The following PFKFB2 variants were observed in gnomAD, a reference collection of about 807,000 sequenced individuals.
PFKFB2 encodes 6-phosphofructo-2-kinase/fructose-2,6-bisphosphatase 2.
PFKFB2 carries 53 observed loss-of-function variants against 68.0 expected under a neutral mutation model. The ratio of observed to expected loss-of-function variants is 0.78; its 90% CI spans 0.63 to 0.98. The LOEUF is 0.98. Among genes scored for constraint, PFKFB2 ranks in the 50% least tolerant of loss-of-function variants. PFKFB2 has a pLI of 0.00. For synonymous variants in PFKFB2, 222 were observed against 227.6 expected, an observed-to-expected ratio of 0.98 and a Z score of 0.22; for missense variants, 451 against 642.0, an observed-to-expected ratio of 0.70 and a Z score of 3.22.
intron 8 of PFKFB2, among the ~76,000 whole-genome samples, chr1:207,065,496 G>A (rs1683259095): frequency 6.6e-6 from 1 of 151,688 alleles, no homozygotes; most frequent in African/African-American, 2.4e-5. Context: ...GACCACAGGT[G>A]TGCGCCACCA....
intron 2 of PFKFB2, among the ~76,000 whole-genome samples, chr1:207,057,302 CAAAAAA>C (rs748726221): frequency 5.0e-5 from 2 of 40,388 alleles, no homozygotes; most frequent in African/African-American, 1.8e-4. Flanking sequence ...AAAAAAACTA[CAAAAAA>C]AAAAAAAAAA....
chr1:207,062,723 C>G lies in PFKFB2; in HGVS notation c.308+7C>G. ...AGGCCATGAAGATCCGCAAGTGAGT[C>G]TTGTTTAAGGCCTGATCTCCAGGTC... On this transcript the variant is annotated splice_region_variant and intron_variant, in intron 4 of 14. Transcript: ENST00000367080. 1 of 1,612,854 alleles carries G rather than the reference C, an allele frequency of 6.2e-7. No individual in the cohort carries two copies. The highest frequency in any genetic ancestry group is 8.5e-7 in the Non-Finnish European group (1 of 1,179,176).
chr1:207,041,424 C>T lies in PFKFB2; in HGVS notation c.-61-745C>T, dbSNP rs182698323. Among the ~76,000 whole-genome samples the T allele has an allele frequency of 4.1e-4, 63 of 152,192 alleles. No homozygotes were observed. In the East Asian group the frequency reaches 9.5e-3, roughly 23 times the overall value. On this transcript the variant is annotated intron_variant, in intron 1 of 5. Transcript: ENST00000545806. ...GACAGGCCCCAATGTGTGATGTTCCCTTCCCTGTGCCCATATGTTCTCATT... is the reference window on the plus strand; with the variant it reads ...GACAGGCCCCAATGTGTGATGTTCCTTTCCCTGTGCCCATATGTTCTCATT...
Position 207,065,112 on chromosome 1 carries a change from A to T in PFKFB2, c.584A>T (p.Glu195Val), listed in dbSNP as rs1333386085. ...NVMEDFLKRIECYKVTYRPLD... is the reference protein window; with the variant it reads ...NVMEDFLKRIVCYKVTYRPLD... The stretch of plus-strand genomic sequence containing the variant: ...ATGGAGGACTTCCTGAAGAGAATTG[A>T]ATGCTACAAAGTTACCTACCGACCT... Residue 195 changes from glutamate to valine, a missense_variant, in exon 8 of 15, where the codon GAA (glutamate) becomes GTA (valine). Glu to Val is a moderately radical substitution (Grantham distance 121). Transcript: ENST00000367080. 1 of 1,614,060 alleles carries T rather than the reference A, an allele frequency of 6.2e-7. No individual in the cohort carries two copies. Among genetic ancestry groups the T allele is most frequent in the African/African-American group, 1.3e-5 (1 of 75,024 alleles).
At chr1:207,042,000 T>G (rs910801748) in intron 1 of PFKFB2, among the ~76,000 whole-genome samples, 1 of 152,260 alleles carries the variant, frequency 6.6e-6, no homozygotes, top group African/African-American at 2.4e-5. Context: ...ATTTTCATTC[T>G]TGTTAGGTTT....
Position 207,071,175 on chromosome 1 carries a change from T to A in PFKFB2, c.1223-13T>A. On this transcript the variant is annotated splice_polypyrimidine_tract_variant and intron_variant, in intron 12 of 14. Coordinates refer to ENST00000367080, the MANE Select transcript of PFKFB2 (RefSeq NM_006212.2). ...ACTAAGAGACTTCCCTCGCCTGGTC[T>A]TTCTGTTTTCAGATGAGCTACCATA... The A allele has an allele frequency of 6.2e-7, 1 of 1,611,010 alleles. No individual in the cohort carries two copies.
chr1:207,037,905 A>G (rs1410202655), intron 1 of PFKFB2, among the ~76,000 whole-genome samples: 2 of 152,256 alleles, frequency 1.3e-5, no homozygotes, highest in Admixed American at 6.5e-5. Flanking sequence ...TATTGTAAAG[A>G]TTACATGAGA....
chr1:207,060,962 A>ATATATATCTATATATATATC (rs1683070018), intron 2 of PFKFB2: 1 of 140,310 alleles, frequency 7.1e-6, no homozygotes, highest in African/African-American at 2.8e-5. Context: ...TAAGTTAAAT[A>ATATATATCTATATATATATC]TATATATCTA....
chr1:207,070,284 ACC>A lies in PFKFB2; in HGVS notation c.1098_1099del (p.Tyr366Ter). On this transcript the variant is annotated stop_gained and frameshift_variant, in exon 12 of 15. Transcript: ENST00000367080. LOFTEE classifies it high-confidence loss of function. This position sits in a 1 kb window ranked among gnomAD's most constrained non-coding sequence, Gnocchi z 4.2. Reference sequence around the variant, plus strand: ...CTGCCCCATTTCCCTCCACAGTCATACCAGGACCTGGTGCAGCGGCTGGAGCC... The same window carrying A: ...CTGCCCCATTTCCCTCCACAGTCATAAGGACCTGGTGCAGCGGCTGGAGCC... The A allele has an allele frequency of 6.2e-7, 1 of 1,613,060 alleles. No individual in the cohort carries two copies. Among genetic ancestry groups the A allele is most frequent in the Non-Finnish European group, 8.5e-7 (1 of 1,179,912 alleles).
At chr1:207,048,819 T>C, upstream of PFKFB2, 1 of 583,250 alleles carries the variant, frequency 1.7e-6, no homozygotes, top group Non-Finnish European at 3.0e-6. Flanking sequence ...TATGTACAGT[T>C]TACCACTGTA....
intron 2 of PFKFB2, chr1:207,060,980 ATATATC>A (rs144292022): frequency 2.1e-5 from 3 of 141,950 alleles, no homozygotes; most frequent in African/African-American, 7.8e-5. Context: ...CTATATATCT[ATATATC>A]TATATATATC....
rs558630340 is a variant in PFKFB2, at chr1:207,064,544, T to C, written c.508-492T>C. ...CTCCTTATTCCCTGTGGGGTCACAA[T>C]GTAAGCCAGTCCCCATTGGATGGGT... On this transcript the variant is annotated intron_variant, in intron 7 of 14. Coordinates refer to ENST00000367080, the MANE Select transcript of PFKFB2 (RefSeq NM_006212.2). Among the ~76,000 whole-genome samples, 3 of 152,314 alleles carry C rather than the reference T, an allele frequency of 2.0e-5. No individual in the cohort carries two copies. In the East Asian group the frequency reaches 5.8e-4, roughly 29 times the overall value.
intron 3 of PFKFB2, 46 bp downstream of exon 3, chr1:207,062,124 G>A (rs1361235563): frequency 6.8e-6 from 11 of 1,612,656 alleles, no homozygotes; most frequent in Non-Finnish European, 9.3e-6. Context: ...TAGTTCCTGG[G>A]CCTCACAGGT....
downstream of PFKFB2, chr1:207,077,871 T>C (rs1683673096): frequency 1.1e-6 from 1 of 883,820 alleles, no homozygotes; most frequent in African/African-American, 1.8e-5. Flanking sequence ...TTCCCATCCC[T>C]TCCCCACCCC....
At chr1:207,054,861 G>T in intron 2 of PFKFB2, 59 bp downstream of exon 2, 1 of 1,195,328 alleles carries the variant, frequency 8.4e-7, no homozygotes, top group Non-Finnish European at 1.2e-6. Context: ...TGGGAATATA[G>T]TTATAATCCT....
intron 4 of PFKFB2, 115 bp downstream of exon 4, chr1:207,062,831 A>G: frequency 9.6e-7 from 1 of 1,044,166 alleles, no homozygotes; most frequent in Non-Finnish European, 1.4e-6. Flanking sequence ...AGTTAAATGG[A>G]AGTTATCTGA....
intron 1 of PFKFB2, among the ~76,000 whole-genome samples, chr1:207,040,341 C>T (rs1018220780): frequency 1.3e-5 from 2 of 152,178 alleles, no homozygotes; most frequent in Admixed American, 1.3e-4. Flanking sequence ...TGCTCCAATA[C>T]CTCAAGATTC....
At chr1:207,062,195 G>A (rs914587899) in intron 3 of PFKFB2, 117 bp downstream of exon 3, 2 of 1,348,556 alleles carry the variant, frequency 1.5e-6, no homozygotes, top group Non-Finnish European at 2.1e-6. Context: ...AGAAATAGCA[G>A]TTGCTTTCTG....
chr1:207,042,549 CAAAAAAAAAAAAAAAA>C lies in PFKFB2; in HGVS notation c.-18+354_-18+369del, dbSNP rs57077682. Among the ~76,000 whole-genome samples the C allele has an allele frequency of 2.9e-4, 13 of 44,716 alleles. 1 individual carries two copies. The highest frequency in any genetic ancestry group is 1.2e-3 in the South Asian group (1 of 828). The allele number at this position is 44,716 out of a possible 152,430, so 29.3% of individuals were successfully genotyped here. On this transcript the variant is annotated intron_variant, in intron 2 of 5. Coordinates refer to the PFKFB2 transcript ENST00000545806. ...GGCGACACAGCAACACTCTGTCTCA[CAAAAAAAAAAAAAAAA>C]AAAAAAAAAAAAAAAAGACTATTGC...
Sources: allele counts gnomAD v4.1 joint callset (sites outside exome capture counted in the v4.1 genomes callset), GRCh38; gene constraint gnomAD v4.1.1; non-coding constraint Gnocchi (gnomAD v3.1); transcripts MANE v1.5; gene names NCBI Gene and HGNC (gene_info 2026-07-23, HGNC 2026-07-21).